Variants in LRP5 observed in about 807,000 individuals in gnomAD.
LRP5 encodes the protein low-density lipoprotein receptor-related protein 5.
In LRP5, 62 loss-of-function variants were observed where a neutral mutation model predicts 154.1. That is an observed-to-expected ratio of 0.40 (90% CI 0.33 to 0.50). LRP5 has a LOEUF of 0.50. Among genes scored for constraint, LRP5 ranks in the 20% least tolerant of loss-of-function variants. The pLI is 0.55. For missense variants in LRP5, 1,915 were observed against 2,336.7 expected, an observed-to-expected ratio of 0.82 and a Z score of 3.72; for synonymous variants, 966 against 1,011.5, an observed-to-expected ratio of 0.96 and a Z score of 0.85.
chr11:68,319,594 G>C (rs1433788303), intron 1 of LRP5, among the ~76,000 whole-genome samples: 1 of 152,096 alleles, frequency 6.6e-6, no homozygotes, highest in African/African-American at 2.4e-5. Context: ...GGGCTCAAAG[G>C]ATCTTCCTGC....
intron 22 of LRP5, chr11:68,446,848 G>C: frequency 2.5e-6 from 1 of 404,270 alleles, no homozygotes; most frequent in Non-Finnish European, 4.7e-6. Context: ...TTGGGCTCCA[G>C]AGTCTGACTG....
chr11:68,383,872 T>A (rs2098641560), intron 5 of LRP5, among the ~76,000 whole-genome samples: 2 of 152,228 alleles, frequency 1.3e-5, no homozygotes, highest in South Asian at 4.2e-4. Flanking sequence ...GACAGGTCCA[T>A]TGTCAACAGA....
At position 68,423,457 on chromosome 11, in the gene LRP5, T is replaced by G; in HGVS notation, c.3028-32T>G. ...GCCAGTGCCCAGGGGTCTCCGCCAG[T>G]GCTCAGGAGTCTTGGTTTCTTTGTC... On this transcript the variant is annotated intron_variant, in intron 13 of 22. Coordinates refer to ENST00000294304, the MANE Select transcript of LRP5 (RefSeq NM_002335.4). This position sits in a 1 kb window ranked among gnomAD's most constrained non-coding sequence, Gnocchi z 4.7. 5 of 1,603,600 alleles carry G rather than the reference T, an allele frequency of 3.1e-6. No individual in the cohort carries two copies. Among genetic ancestry groups the G allele is most frequent in the Non-Finnish European group, 4.3e-6 (5 of 1,170,472 alleles).
At chr11:68,319,470 C>T (rs1197994021) in intron 1 of LRP5, among the ~76,000 whole-genome samples, 1 of 152,188 alleles carries the variant, frequency 6.6e-6, no homozygotes, top group East Asian at 1.9e-4. Flanking sequence ...CCACCTCAGC[C>T]TCCCAAAGTG....
Position 68,312,756 on chromosome 11 carries a change from G to GCTA in LRP5, c.44_45insACT (p.Leu20dup). 9.3e-7 allele frequency: 1 copy of GCTA among 1,079,602 alleles called. No individual in the cohort carries two copies. Among genetic ancestry groups the GCTA allele is most frequent in the Non-Finnish European group, 1.1e-6 (1 of 884,014 alleles). 66.9% of individuals were successfully genotyped at this position (1,079,602 alleles called of 1,614,324 possible). On this transcript the variant is annotated inframe_insertion, in exon 1 of 23. Transcript: ENST00000294304. ...CCGGGCCGCCGTGGCCGCTGCTGCT[G>GCTA]CTGCTGCTGCTGCTGCTGGCGCTGT...
chr11:68,347,585 C>T (rs1011771431), intron 1 of LRP5, among the ~76,000 whole-genome samples: 2 of 152,176 alleles, frequency 1.3e-5, no homozygotes, highest in African/African-American at 2.4e-5. Flanking sequence ...GGGGAACAGA[C>T]GTAACAGTTG....
At chr11:68,335,353 C>T (rs28839804) in intron 1 of LRP5, among the ~76,000 whole-genome samples, 1 of 150,634 alleles carries the variant, frequency 6.6e-6, no homozygotes, top group Non-Finnish European at 1.5e-5. Flanking sequence ...GGATTACAGG[C>T]ATGAGCCACC....
chr11:68,381,689 G>A (rs1288611568), intron 5 of LRP5, among the ~76,000 whole-genome samples: 1 of 152,246 alleles, frequency 6.6e-6, no homozygotes. Flanking sequence ...CAAACTGTTA[G>A]TTTCCAAACA....
chr11:68,377,616 C>T (rs977210549), intron 5 of LRP5, among the ~76,000 whole-genome samples: 2 of 152,234 alleles, frequency 1.3e-5, no homozygotes, highest in African/African-American at 2.4e-5. Context: ...CAAAAATAAT[C>T]TGGCCGCCTG....
chr11:68,393,085 G>A (rs999387406), intron 7 of LRP5, among the ~76,000 whole-genome samples: 5 of 151,022 alleles, frequency 3.3e-5, no homozygotes, highest in Non-Finnish European at 7.4e-5. Context: ...AGCTATGATC[G>A]CACCACTGCA....
chr11:68,362,589 G>T (rs2098628690), intron 3 of LRP5, among the ~76,000 whole-genome samples: 1 of 151,982 alleles, frequency 6.6e-6, no homozygotes, highest in South Asian at 2.1e-4. Context: ...TACTCTGGAG[G>T]CGGAGGTGGG....
chr11:68,396,525 C>T (rs2098649454), intron 7 of LRP5, among the ~76,000 whole-genome samples: 1 of 152,192 alleles, frequency 6.6e-6, no homozygotes, highest in Non-Finnish European at 1.5e-5. Flanking sequence ...GCAGCTGTGG[C>T]TGATCCCTTG....
intron 18 of LRP5, among the ~76,000 whole-genome samples, chr11:68,436,141 G>A (rs556448331): frequency 2.6e-4 from 40 of 152,264 alleles, no homozygotes; most frequent in African/African-American, 9.6e-4. Flanking sequence ...AGGCCCTTAC[G>A]CCGGTTCTGG....
chr11:68,327,077 C>A lies in LRP5; in HGVS notation c.91+14272C>A, dbSNP rs2098600127. On this transcript the variant is annotated intron_variant, in intron 1 of 22. Coordinates refer to ENST00000294304, the MANE Select transcript of LRP5 (RefSeq NM_002335.4). ...TATCTGCCCTGGCCAAGCTGTGCCG[C>A]CCGTCCCTGCCCGCCCCAGCAGGTG... 3.3e-5 allele frequency among the ~76,000 whole-genome samples: 5 copies of A among 152,204 alleles called. No homozygotes were observed. The South Asian group carries it at 1.0e-3, about 31-fold the overall frequency.
intron 1 of LRP5, among the ~76,000 whole-genome samples, chr11:68,334,713 A>G (rs539277615): frequency 2.0e-5 from 3 of 152,188 alleles, no homozygotes; most frequent in African/African-American, 4.8e-5. Flanking sequence ...CGTCTCTACT[A>G]AAAATACAGA....
At chr11:68,424,183 C>T (rs1037215077) in intron 14 of LRP5, among the ~76,000 whole-genome samples, 4 of 152,098 alleles carry the variant, frequency 2.6e-5, no homozygotes. Flanking sequence ...AGAGGGAGAC[C>T]GAAACCCATG....
At chr11:68,372,952 C>T (rs2098635115) in intron 5 of LRP5, among the ~76,000 whole-genome samples, 1 of 152,044 alleles carries the variant, frequency 6.6e-6, no homozygotes, top group Admixed American at 6.5e-5. Context: ...ACTCTTAAGA[C>T]ACATCCAGAG....
intron 5 of LRP5, among the ~76,000 whole-genome samples, chr11:68,385,897 G>C (rs943868825): frequency 5.9e-5 from 9 of 152,112 alleles, no homozygotes; most frequent in Non-Finnish European, 1.2e-4. Context: ...ACGCTGAGCA[G>C]CATGGCCAGC....
chr11:68,354,757 G>A (rs2098621732), intron 2 of LRP5, among the ~76,000 whole-genome samples: 1 of 152,206 alleles, frequency 6.6e-6, no homozygotes, highest in Non-Finnish European at 1.5e-5. Context: ...CTGTAACCTG[G>A]AACAGGCCAG....
Sources: gnomAD v4.1 joint callset for allele counts (sites outside exome capture counted in the v4.1 genomes callset) on GRCh38, gnomAD v4.1.1 for gene constraint, Gnocchi (gnomAD v3.1) non-coding constraint, MANE v1.5 for transcripts, NCBI Gene and HGNC (gene_info 2026-07-23, HGNC 2026-07-21) for gene names.